The following EML6 variants were observed in gnomAD, a reference collection of about 807,000 sequenced individuals.
EML6 encodes EMAP like 6.
EML6 carries 154 observed loss-of-function variants against 240.1 expected under a neutral mutation model. The ratio of observed to expected loss-of-function variants is 0.64; its 90% CI spans 0.56 to 0.73. EML6 has a LOEUF of 0.73. Ranked by LOEUF, EML6 falls within the 30% of genes least tolerant of loss-of-function variation. EML6 has a pLI of 0.00. For synonymous variants in EML6, 1,148 were observed against 899.0 expected (o/e 1.28, Z -4.95); for missense variants, 2,964 against 2,474.6 (o/e 1.20, Z -4.20).
At chr2:54,818,019 C>T (rs17345361) in intron 4 of EML6, among the ~76,000 whole-genome samples, 8,053 of 100,662 alleles carry the variant, frequency 0.08, 415 homozygotes, top group East Asian at 0.33. Flanking sequence ...GGAGACTTCA[C>T]GGCATATATA....
intron 2 of EML6, among the ~76,000 whole-genome samples, chr2:54,751,389 C>G (rs922774580): frequency 3.3e-5 from 5 of 151,982 alleles, no homozygotes; most frequent in African/African-American, 4.8e-5. Context: ...AGCTTCTGAA[C>G]AGAAGATTCC....
intron 26 of EML6, among the ~76,000 whole-genome samples, chr2:54,923,220 T>C (rs560203467): frequency 3.9e-5 from 6 of 152,152 alleles, no homozygotes; most frequent in African/African-American, 1.2e-4. Context: ...GGATTACAGG[T>C]GTGAGCCACC....
chr2:54,823,415 C>A (rs577179213), intron 5 of EML6, among the ~76,000 whole-genome samples: 3 of 151,654 alleles, frequency 2.0e-5, no homozygotes, highest in African/African-American at 7.3e-5. Context: ...ATGATATGTT[C>A]CAAGATTACC....
At chr2:54,752,552 T>C (rs1409075044) in intron 2 of EML6, among the ~76,000 whole-genome samples, 2 of 152,216 alleles carry the variant, frequency 1.3e-5, no homozygotes, top group African/African-American at 4.8e-5. Flanking sequence ...TAATAAAATA[T>C]GTTCTCTTTT....
chr2:54,783,851 T>C (rs2103862086), intron 2 of EML6, among the ~76,000 whole-genome samples: 1 of 152,352 alleles, frequency 6.6e-6, no homozygotes, highest in African/African-American at 2.4e-5. Context: ...TTTTGTATTC[T>C]ATTTTCTCTC....
rs184159381 is a variant in EML6 at position 54,966,176 on chromosome 2, C to T, written c.5494-824C>T. Among the ~76,000 whole-genome samples, 5 of 152,240 alleles carry T rather than the reference C, an allele frequency of 3.3e-5. No homozygotes were observed. In the East Asian group the frequency reaches 9.7e-4, roughly 29 times the overall value. ...TATAATTACAAATTGTGATTATGTGCCAAGAAGGAAAAGTACAGCATTCCG... is the reference window on the plus strand; with the variant it reads ...TATAATTACAAATTGTGATTATGTGTCAAGAAGGAAAAGTACAGCATTCCG... On this transcript the variant is annotated intron_variant, in intron 38 of 41. Coordinates refer to ENST00000356458, the MANE Select transcript of EML6 (RefSeq NM_001039753.4).
chr2:54,901,101 C>G (rs1673032146), intron 22 of EML6, among the ~76,000 whole-genome samples: 1 of 152,194 alleles, frequency 6.6e-6, no homozygotes, highest in Admixed American at 6.5e-5. Context: ...ACTATGCCAG[C>G]TCTTTCCATG....
chr2:54,929,923 G>A (rs1217789261), intron 28 of EML6, among the ~76,000 whole-genome samples: 1 of 152,042 alleles, frequency 6.6e-6, no homozygotes, highest in East Asian at 1.9e-4. Flanking sequence ...CATTTTGCTT[G>A]CAACATGGTT....
At chr2:54,859,726 C>T in intron 12 of EML6, 25 bp downstream of exon 12, 19 of 1,511,088 alleles carry the variant, frequency 1.3e-5, no homozygotes, top group Non-Finnish European at 1.6e-5. Flanking sequence ...AATTTCTTAA[C>T]ATCATTTTAT....
In EML6 at chr2:54,960,285, T is replaced by G; in HGVS notation, c.4919T>G (p.Leu1640Arg). The change falls in exon 35 of 42, where the codon CTG becomes CGG. Residue 1640 changes from leucine (L) to arginine (R), a missense_variant. By Grantham distance (102) the Leu-to-Arg change is moderately radical (BLOSUM62 -2). Coordinates refer to ENST00000356458, the MANE Select transcript of EML6 (RefSeq NM_001039753.4). ...ATGAAGCGCTGCCGGGCCTTTCAGC[T>G]GGAGACCGGGCAGCTGGTGGAGTGT... is the stretch of plus-strand genomic sequence containing the variant. ...QEMKRCRAFQ[L>R]ETGQLVECVR... 6.4e-7 allele frequency: 1 copy of G among 1,551,444 alleles called. No homozygotes were observed.
At chr2:54,850,931 CAAAA>C (rs1432617008) in intron 10 of EML6, among the ~76,000 whole-genome samples, 3 of 152,256 alleles carry the variant, frequency 2.0e-5, no homozygotes, top group East Asian at 1.9e-4. Flanking sequence ...GCTGAGCAAA[CAAAA>C]GAAAGTTGTG....
intron 8 of EML6, among the ~76,000 whole-genome samples, chr2:54,845,924 A>G (rs907061316): frequency 6.6e-6 from 1 of 152,236 alleles, no homozygotes; most frequent in African/African-American, 2.4e-5. Flanking sequence ...TCAGAAGACT[A>G]TATTTTAAAA....
At chr2:54,923,160 C>T (rs1256166618) in intron 26 of EML6, among the ~76,000 whole-genome samples, 3 of 151,800 alleles carry the variant, frequency 2.0e-5, no homozygotes, top group Non-Finnish European at 2.9e-5. Flanking sequence ...AGGCTGGTCT[C>T]GAACTCCCAA....
chr2:54,787,404 G>A (rs1190790482), intron 2 of EML6, among the ~76,000 whole-genome samples: 1 of 152,128 alleles, frequency 6.6e-6, no homozygotes, highest in East Asian at 1.9e-4. Flanking sequence ...AGATTGAATT[G>A]TAGTCATACA....
intron 28 of EML6, among the ~76,000 whole-genome samples, chr2:54,936,346 G>T (rs909094041): frequency 2.6e-5 from 4 of 152,178 alleles, no homozygotes; most frequent in Non-Finnish European, 4.4e-5. Context: ...ACATCTGGTG[G>T]AGCCATGGTT....
At chr2:54,963,924 G>A in intron 36 of EML6, 62 bp from the exon 37 acceptor site, 1 of 1,460,876 alleles carries the variant, frequency 6.8e-7, no homozygotes, top group Admixed American at 2.5e-5. Flanking sequence ...GGTGCAGAAT[G>A]TCTCCTGGAG....
intron 4 of EML6, among the ~76,000 whole-genome samples, chr2:54,818,056 A>G (rs1668157506): frequency 6.6e-6 from 1 of 152,082 alleles, no homozygotes; most frequent in Non-Finnish European, 1.5e-5. Flanking sequence ...ATTTTATCTG[A>G]GTTACTCTGC....
chr2:54,871,661 A>G (rs1359142072), intron 16 of EML6, 56 bp downstream of exon 16: 1 of 1,280,392 alleles, frequency 7.8e-7, no homozygotes, highest in Non-Finnish European at 1.1e-6. Context: ...AGAGACACAG[A>G]GAGAGTATGC....
intron 10 of EML6, 158 bp downstream of exon 10, chr2:54,850,376 T>G (rs1670009136): frequency 1.6e-6 from 1 of 621,342 alleles, no homozygotes; most frequent in African/African-American, 1.8e-5. Context: ...GAATGTTTTC[T>G]GTCGCAAGAT....
Sources: allele counts gnomAD v4.1 joint callset (sites outside exome capture counted in the v4.1 genomes callset), GRCh38; gene constraint gnomAD v4.1.1; transcripts MANE v1.5; gene names NCBI Gene and HGNC (gene_info 2026-07-23, HGNC 2026-07-21).